The following CTNNBL1 variants were observed in gnomAD, a reference collection of about 807,000 sequenced individuals.
The protein encoded by CTNNBL1 is catenin beta like 1, also known as beta-catenin-like protein 1.
CTNNBL1 carries 31 observed loss-of-function variants against 72.7 expected under a neutral mutation model. That is an observed-to-expected ratio of 0.43 (90% CI 0.32 to 0.58). CTNNBL1 has a LOEUF of 0.58. Ranked by LOEUF, CTNNBL1 falls within the 20% of genes least tolerant of loss-of-function variation. The probability of loss-of-function intolerance (pLI) is 0.08; values close to 1 mark genes in which losing one functional copy is unlikely to be tolerated. For synonymous variants in CTNNBL1, 240 were observed against 267.3 expected (o/e 0.90, Z 1.00); for missense variants, 534 against 725.1 (o/e 0.74, Z 3.03).
At chr20:37,728,867 A>G (rs530797123) in intron 1 of CTNNBL1, among the ~76,000 whole-genome samples, 2 of 152,194 alleles carry the variant, frequency 1.3e-5, no homozygotes, top group Admixed American at 1.3e-4. Flanking sequence ...TTGGAGAAAC[A>G]GTTGGTGAAC....
chr20:37,715,941 T>C (rs1239442432), intron 1 of CTNNBL1, among the ~76,000 whole-genome samples: 1 of 152,188 alleles, frequency 6.6e-6, no homozygotes, highest in Admixed American at 6.5e-5. Flanking sequence ...TTACATTCCT[T>C]TATCAGAAAG....
At chr20:37,815,570 G>A (rs1330792530) in intron 11 of CTNNBL1, among the ~76,000 whole-genome samples, 2 of 151,824 alleles carry the variant, frequency 1.3e-5, no homozygotes, top group African/African-American at 4.8e-5. Flanking sequence ...TGCCCCCCTC[G>A]GCCTCCCAAA....
At chr20:37,827,124 C>G (rs2072167258) in intron 11 of CTNNBL1, among the ~76,000 whole-genome samples, 1 of 152,218 alleles carries the variant, frequency 6.6e-6, no homozygotes, top group African/African-American at 2.4e-5. Flanking sequence ...GTTAGGCTTT[C>G]ACTCAGCATA....
At chr20:37,842,987 C>T (rs989287805) in intron 13 of CTNNBL1, among the ~76,000 whole-genome samples, 1 of 152,194 alleles carries the variant, frequency 6.6e-6, no homozygotes, top group Non-Finnish European at 1.5e-5. Flanking sequence ...AGAAGTGACA[C>T]CTGCTGGATG....
intron 1 of CTNNBL1, among the ~76,000 whole-genome samples, chr20:37,717,938 C>G (rs2073001624): frequency 6.6e-6 from 1 of 152,184 alleles, no homozygotes; most frequent in Non-Finnish European, 1.5e-5. Context: ...GGTCACAGAT[C>G]AACAGGATCC....
chr20:37,706,171 C>T (rs547254187), intron 1 of CTNNBL1, among the ~76,000 whole-genome samples: 1 of 152,270 alleles, frequency 6.6e-6, no homozygotes, highest in South Asian at 2.1e-4. Context: ...GTCTTGCCTC[C>T]TTTTGCTGGC....
At chr20:37,760,811 T>A (rs2073410059) in intron 5 of CTNNBL1, among the ~76,000 whole-genome samples, 1 of 152,196 alleles carries the variant, frequency 6.6e-6, no homozygotes, top group African/African-American at 2.4e-5. Flanking sequence ...TTAGCAAATG[T>A]CAGGTTAAAA....
intron 11 of CTNNBL1, among the ~76,000 whole-genome samples, chr20:37,829,317 ATGGT>A (rs1361789987): frequency 6.6e-6 from 1 of 152,180 alleles, no homozygotes; most frequent in Non-Finnish European, 1.5e-5. Context: ...TATGGGCCTG[ATGGT>A]TGGAGTGCAG....
intron 10 of CTNNBL1, among the ~76,000 whole-genome samples, chr20:37,779,738 G>T (rs577207816): frequency 6.6e-6 from 1 of 152,038 alleles, no homozygotes; most frequent in Non-Finnish European, 1.5e-5. Context: ...TGAAAGCAGC[G>T]TATCATTCAT....
At chr20:37,719,447 T>C (rs1262142970) in intron 1 of CTNNBL1, among the ~76,000 whole-genome samples, 2 of 152,220 alleles carry the variant, frequency 1.3e-5, no homozygotes, top group Non-Finnish European at 2.9e-5. Flanking sequence ...TAATCCTCCA[T>C]TGACTTGTCA....
At chr20:37,859,278 A>G (rs2072468885) in intron 13 of CTNNBL1, among the ~76,000 whole-genome samples, 1 of 151,802 alleles carries the variant, frequency 6.6e-6, no homozygotes, top group Non-Finnish European at 1.5e-5. Flanking sequence ...AATCGCATGA[A>G]CCAGGGAGGC....
intron 3 of CTNNBL1, among the ~76,000 whole-genome samples, chr20:37,744,225 A>G (rs1306715140): frequency 2.6e-5 from 4 of 152,254 alleles, no homozygotes; most frequent in East Asian, 1.9e-4. Flanking sequence ...TGTCTTTTCT[A>G]TCTCAAATTG....
At chr20:37,748,293 C>CGTCTT (rs1171735262) in intron 4 of CTNNBL1, among the ~76,000 whole-genome samples, 2 of 152,222 alleles carry the variant, frequency 1.3e-5, no homozygotes, top group Non-Finnish European at 2.9e-5. Flanking sequence ...AGTCTTAAGA[C>CGTCTT]ATTTCTGATG....
intron 4 of CTNNBL1, among the ~76,000 whole-genome samples, chr20:37,754,491 T>A (rs2122640766): frequency 6.6e-6 from 1 of 152,276 alleles, no homozygotes; most frequent in East Asian, 1.9e-4. Flanking sequence ...TGAATGTTGC[T>A]ATGCATATTA....
intron 1 of CTNNBL1, among the ~76,000 whole-genome samples, chr20:37,707,765 C>T (rs935490448): frequency 4.6e-5 from 7 of 152,236 alleles, no homozygotes; most frequent in Admixed American, 2.0e-4. Flanking sequence ...GGCCCATTGC[C>T]GCTTTCAACA....
At chr20:37,795,981 A>G (rs1600493043) in intron 10 of CTNNBL1, among the ~76,000 whole-genome samples, 1 of 151,690 alleles carries the variant, frequency 6.6e-6, no homozygotes, top group South Asian at 2.1e-4. Flanking sequence ...TTACTTGGAA[A>G]TAGTTTGGTC....
At position 37,842,210 on chromosome 20, in the gene CTNNBL1, C is replaced by T. The variant is rs533900245; in HGVS notation, c.1312-129C>T. 3.1e-5 allele frequency: 21 copies of T among 667,802 alleles called. No individual in the cohort carries two copies. The East Asian group carries it at 3.7e-4, about 12-fold the overall frequency. The allele number at this position is 667,802 out of a possible 1,614,324, so 41.4% of individuals were successfully genotyped here. On this transcript the variant is annotated intron_variant, in intron 12 of 15. Transcript: ENST00000361383. Reference sequence around the variant, plus strand: ...GTCCCTAAGCAAAGCTTCTCTCATCCGCTGTAAGGAGTGCCAGAGCGGGTC... The same window carrying T: ...GTCCCTAAGCAAAGCTTCTCTCATCTGCTGTAAGGAGTGCCAGAGCGGGTC...
At chr20:37,770,222 T>C (rs925593304) in intron 7 of CTNNBL1, among the ~76,000 whole-genome samples, 2 of 152,242 alleles carry the variant, frequency 1.3e-5, no homozygotes, top group Non-Finnish European at 2.9e-5. Flanking sequence ...ACTAGACTTG[T>C]TTCTCATTTA....
chr20:37,818,146 G>C (rs1409484974), intron 11 of CTNNBL1, among the ~76,000 whole-genome samples: 1 of 152,192 alleles, frequency 6.6e-6, no homozygotes, highest in Non-Finnish European at 1.5e-5. Context: ...TCTTCCATGA[G>C]TTCATCATTC....
Sources: gnomAD v4.1 joint callset for allele counts (sites outside exome capture counted in the v4.1 genomes callset) on GRCh38, gnomAD v4.1.1 for gene constraint, MANE v1.5 for transcripts, NCBI Gene and HGNC (gene_info 2026-07-23, HGNC 2026-07-21) for gene names.